The following ZSCAN25 variants were observed in gnomAD, a reference collection of about 807,000 sequenced individuals.
ZSCAN25 encodes zinc finger and SCAN domain-containing protein 25.
A neutral mutation model predicts 38.7 loss-of-function variants in ZSCAN25; 27 were observed. The observed-to-expected ratio is 0.70, with a 90% confidence interval of 0.51 to 0.96. The LOEUF is 0.96. Among genes scored for constraint, ZSCAN25 ranks in the 40% least tolerant of loss-of-function variants. The pLI is 0.00. For synonymous variants in ZSCAN25, 273 were observed against 277.7 expected (o/e 0.98, Z 0.17); for missense variants, 637 against 705.9 (o/e 0.90, Z 1.11).
chr7:99,732,726 G>A, the ZSCAN25 span, among the ~76,000 whole-genome samples: 47 of 152,212 alleles, frequency 3.1e-4, no homozygotes, highest in African/African-American at 1.1e-3. Context: ...CACAAGCTTG[G>A]CCCCAGACAG....
the ZSCAN25 span, chr7:99,705,510 C>T: frequency 6.2e-7 from 1 of 1,613,496 alleles, no homozygotes; most frequent in African/African-American, 1.3e-5. Context: ...TCAGGCTCCA[C>T]TTACGGTCTC....
the ZSCAN25 span, among the ~76,000 whole-genome samples, chr7:99,693,402 G>T: frequency 6.6e-6 from 1 of 152,168 alleles, no homozygotes; most frequent in Admixed American, 6.5e-5. Flanking sequence ...CTCGAATACC[G>T]TGCTGAGAGA....
chr7:99,648,193 G>A, the ZSCAN25 span: 8 of 1,464,922 alleles, frequency 5.5e-6, no homozygotes, highest in Non-Finnish European at 6.3e-6. Context: ...TACTCATGCA[G>A]TACATTAGAT....
Position 99,630,004 on chromosome 7 carries a change from A to G in ZSCAN25, c.1619A>G (p.Glu540Gly). Reference sequence around the variant, plus strand: ...CACCAGAAGACCCAGCACCGCCAGGAGCCGCTGGTGCAGTGAGCATAGCAG... The same window carrying G: ...CACCAGAAGACCCAGCACCGCCAGGGGCCGCTGGTGCAGTGAGCATAGCAG... ...NRHQKTQHRQ[E>G]PLVQ Residue 540 changes from glutamate (E) to glycine (G), a missense_variant, in exon 8 of 8, where the codon GAG (glutamate) becomes GGG (glycine). Transcript: ENST00000394152. 6.4e-7 allele frequency: 1 copy of G among 1,569,728 alleles called. No homozygotes were observed. The highest frequency in any genetic ancestry group is 8.6e-7 in the Non-Finnish European group (1 of 1,157,894).
chr7:99,699,890 G>A, the ZSCAN25 span: 2 of 950,778 alleles, frequency 2.1e-6, no homozygotes, highest in Non-Finnish European at 3.4e-6. Context: ...CTTTAAAACA[G>A]ATGAGGGAAC....
chr7:99,638,671 AT>A, the ZSCAN25 span: 3 of 1,549,136 alleles, frequency 1.9e-6, no homozygotes, highest in Non-Finnish European at 2.7e-6. Context: ...CAGCTTCAAC[AT>A]TTACAGGATT....
chr7:99,652,714 G>A, the ZSCAN25 span: 1 of 1,614,112 alleles, frequency 6.2e-7, no homozygotes, highest in Non-Finnish European at 8.5e-7. Context: ...GGAATAATCT[G>A]AGTGTTTCAT....
chr7:99,726,086 A>G, the ZSCAN25 span, among the ~76,000 whole-genome samples: 1 of 152,070 alleles, frequency 6.6e-6, no homozygotes, highest in Non-Finnish European at 1.5e-5. Flanking sequence ...CTACAGCTAC[A>G]TCTCATTGCC....
the ZSCAN25 span, among the ~76,000 whole-genome samples, chr7:99,645,770 G>A: frequency 2.6e-5 from 4 of 151,966 alleles, no homozygotes; most frequent in Non-Finnish European, 5.9e-5. Context: ...AAAAATGTCT[G>A]TTCATGTCCA....
the ZSCAN25 span, chr7:99,731,287 C>CT: frequency 1.0e-6 from 1 of 972,184 alleles, no homozygotes; most frequent in Non-Finnish European, 1.5e-6. Context: ...AACAGTAACT[C>CT]TGACGGCAAT....
At chr7:99,719,019 G>A in the ZSCAN25 span, among the ~76,000 whole-genome samples, 1 of 152,142 alleles carries the variant, frequency 6.6e-6, no homozygotes, top group Non-Finnish European at 1.5e-5. Flanking sequence ...AGGAAATGGA[G>A]AGGCATACTA....
At chr7:99,688,419 CAAAG>C in the ZSCAN25 span, among the ~76,000 whole-genome samples, 3 of 152,230 alleles carry the variant, frequency 2.0e-5, no homozygotes, top group South Asian at 2.1e-4. Flanking sequence ...TCAAAAGAGA[CAAAG>C]AAGGCCATTA....
At chr7:99,674,726 T>C in the ZSCAN25 span, 62 of 621,992 alleles carry the variant, frequency 1.0e-4, no homozygotes, top group African/African-American at 9.3e-4. Flanking sequence ...TATTCAGAGA[T>C]GTCTTAAGGG....
At chr7:99,660,710 C>G in the ZSCAN25 span, 1 of 1,594,548 alleles carries the variant, frequency 6.3e-7, no homozygotes, top group Non-Finnish European at 8.6e-7. Flanking sequence ...CGTACAACAT[C>G]ACAGCTTAGA....
rs1050850860 is a variant in ZSCAN25 at position 99,621,751 on chromosome 7, T to A, written c.589+177T>A. On this transcript the variant is annotated intron_variant, in intron 5 of 7. Coordinates refer to ENST00000394152, the MANE Select transcript of ZSCAN25 (RefSeq NM_145115.3). ...ATGAAGTGAAATTGTTTCTTCTCCC[T>A]TTACCCTCTGGTGTCTGGAGGGGAT... 8.8e-6 allele frequency: 4 copies of A among 454,782 alleles called. No individual in the cohort carries two copies. The Admixed American group carries it at 1.8e-4, about 20-fold the overall frequency. 28.2% of individuals were successfully genotyped at this position (454,782 alleles called of 1,614,324 possible).
the ZSCAN25 span, among the ~76,000 whole-genome samples, chr7:99,731,325 A>C: frequency 1.3e-5 from 2 of 152,202 alleles, no homozygotes; most frequent in Non-Finnish European, 2.9e-5. Flanking sequence ...AGGTCCTTTC[A>C]TGCTTCCACC....
At chr7:99,622,100 T>A (rs953579056) in intron 5 of ZSCAN25, 1 of 178,030 alleles carries the variant, frequency 5.6e-6, no homozygotes, top group African/African-American at 2.4e-5. Context: ...AATTTTTTTG[T>A]ATTTTTAGTG....
At chr7:99,665,413 A>G in the ZSCAN25 span, 3 of 1,483,184 alleles carry the variant, frequency 2.0e-6, no homozygotes, top group Non-Finnish European at 2.8e-6. Context: ...AAGACACATA[A>G]AGAGCCACAG....
At chr7:99,722,087 T>G in the ZSCAN25 span, among the ~76,000 whole-genome samples, 3 of 152,228 alleles carry the variant, frequency 2.0e-5, no homozygotes, top group Non-Finnish European at 4.4e-5. Context: ...CTCCCTGAAT[T>G]TGCACATAGC....
Sources: allele counts gnomAD v4.1 joint callset (sites outside exome capture counted in the v4.1 genomes callset), GRCh38; gene constraint gnomAD v4.1.1; transcripts MANE v1.5; gene names NCBI Gene and HGNC (gene_info 2026-07-23, HGNC 2026-07-21).